PPTC7: variants seen among roughly 807,000 people sequenced by gnomAD.
The protein encoded by PPTC7 is protein phosphatase targeting COQ7, also known as protein phosphatase PTC7 homolog.
A neutral mutation model predicts 30.8 loss-of-function variants in PPTC7; 6 were observed. The ratio of observed to expected loss-of-function variants is 0.19; its 90% CI spans 0.11 to 0.38. The LOEUF is 0.38. Among genes scored for constraint, PPTC7 ranks in the 10% least tolerant of loss-of-function variants. The pLI is 1.00. For missense variants in PPTC7, 218 were observed against 404.8 expected (o/e 0.54, Z 3.96); for synonymous variants, 163 against 168.1 (o/e 0.97, Z 0.23).
chr12:110,568,081 C>T (rs1339802063), intron 1 of PPTC7, among the ~76,000 whole-genome samples: 1 of 148,846 alleles, frequency 6.7e-6, no homozygotes, highest in East Asian at 2.0e-4. Flanking sequence ...CATCAATTCT[C>T]AACACTGACC....
chr12:110,554,284 C>T (rs1012753957), intron 1 of PPTC7, among the ~76,000 whole-genome samples: 1 of 152,186 alleles, frequency 6.6e-6, no homozygotes, highest in African/African-American at 2.4e-5. Context: ...AGTGATCCTC[C>T]TACCTCAGCC....
chr12:110,540,274 G>A (rs1176374204), intron 3 of PPTC7, among the ~76,000 whole-genome samples: 6 of 149,462 alleles, frequency 4.0e-5, no homozygotes, highest in African/African-American at 9.9e-5. Flanking sequence ...TAGTGGAAAT[G>A]AGTCTTTATT....
intron 1 of PPTC7, among the ~76,000 whole-genome samples, chr12:110,553,918 G>A (rs1363492322): frequency 1.3e-5 from 2 of 152,174 alleles, no homozygotes; most frequent in Non-Finnish European, 2.9e-5. Flanking sequence ...CTGGAGTACA[G>A]TGGCGTGATC....
chr12:110,559,464 G>A (rs546549645), intron 1 of PPTC7, among the ~76,000 whole-genome samples: 20 of 149,574 alleles, frequency 1.3e-4, no homozygotes, highest in South Asian at 2.1e-4. Flanking sequence ...GGTGGTTCAC[G>A]CCTGTAATCC....
chr12:110,554,989 A>G (rs2064375009), intron 1 of PPTC7, among the ~76,000 whole-genome samples: 1 of 152,174 alleles, frequency 6.6e-6, no homozygotes, highest in South Asian at 2.1e-4. Flanking sequence ...TTTAATTTTT[A>G]AAACTTTCTG....
chr12:110,551,656 T>C (rs1425679189), intron 2 of PPTC7, 133 bp downstream of exon 2: 5 of 829,802 alleles, frequency 6.0e-6, no homozygotes, highest in Non-Finnish European at 9.6e-6. Context: ...GGTTAGCCTA[T>C]AGTTTCTCTA....
At chr12:110,580,759 A>T (rs1052797226) in intron 1 of PPTC7, among the ~76,000 whole-genome samples, 3 of 146,628 alleles carry the variant, frequency 2.0e-5, no homozygotes, top group Admixed American at 6.8e-5. Context: ...TTTTTATTTT[A>T]TTTTTTTTTT....
At chr12:110,582,211 T>A (rs2064643182) in intron 1 of PPTC7, among the ~76,000 whole-genome samples, 1 of 152,066 alleles carries the variant, frequency 6.6e-6, no homozygotes, top group South Asian at 2.1e-4. Flanking sequence ...GTGGACAAGA[T>A]CAATTTGGGA....
At chr12:110,540,044 G>A in intron 3 of PPTC7, 99 bp from the exon 4 acceptor site, 1 of 1,063,126 alleles carries the variant, frequency 9.4e-7, no homozygotes. Context: ...TAAGCTTTCT[G>A]CAAGAAAAAC....
At chr12:110,552,340 C>T (rs2064354965) in intron 1 of PPTC7, among the ~76,000 whole-genome samples, 2 of 152,168 alleles carry the variant, frequency 1.3e-5, no homozygotes, top group South Asian at 2.1e-4. Flanking sequence ...ATGCTAGTGA[C>T]GATACAATTC....
chr12:110,568,085 A>G (rs528274462), intron 1 of PPTC7, among the ~76,000 whole-genome samples: 73 of 150,924 alleles, frequency 4.8e-4, no homozygotes, highest in Admixed American at 9.3e-4. Flanking sequence ...AATTCTCAAC[A>G]CTGACCCCTA....
chr12:110,537,133 A>T (rs763539510), intron 5 of PPTC7, 38 bp from the exon 6 acceptor site: 1 of 1,495,762 alleles, frequency 6.7e-7, no homozygotes, highest in South Asian at 1.1e-5. Flanking sequence ...ATATTTTAAA[A>T]GGAAAAGTCA....
intron 1 of PPTC7, among the ~76,000 whole-genome samples, chr12:110,579,231 G>T (rs1216983969): frequency 1.3e-5 from 2 of 152,104 alleles, no homozygotes; most frequent in Non-Finnish European, 2.9e-5. Flanking sequence ...GACAGCCAAG[G>T]ATCAAATGAG....
chr12:110,580,913 G>A (rs554649586), intron 1 of PPTC7, among the ~76,000 whole-genome samples: 19 of 152,012 alleles, frequency 1.2e-4, no homozygotes, highest in African/African-American at 4.1e-4. Flanking sequence ...CATCACGCCC[G>A]GCTAATTTTT....
intron 1 of PPTC7, among the ~76,000 whole-genome samples, chr12:110,567,759 T>C (rs539651038): frequency 3.3e-5 from 5 of 152,360 alleles, no homozygotes; most frequent in African/African-American, 1.2e-4. Context: ...TCTAGTCAAA[T>C]ACCTTCCATG....
chr12:110,582,788 G>C, intron 1 of PPTC7, 21 bp downstream of exon 1: 2 of 1,535,486 alleles, frequency 1.3e-6, no homozygotes, highest in Non-Finnish European at 1.8e-6. Flanking sequence ...CTGGGGCAAG[G>C]GAACCGGGTC....
chr12:110,566,769 A>C (rs977126742), intron 1 of PPTC7, among the ~76,000 whole-genome samples: 5 of 152,234 alleles, frequency 3.3e-5, no homozygotes, highest in African/African-American at 1.2e-4. Context: ...ATAAAAGATA[A>C]GTAGTCCATT....
intron 1 of PPTC7, among the ~76,000 whole-genome samples, chr12:110,579,332 C>T (rs1404984311): frequency 6.6e-6 from 1 of 152,196 alleles, no homozygotes; most frequent in African/African-American, 2.4e-5. Flanking sequence ...ACCTGTCCTT[C>T]ACTGCCCCTA....
At chr12:110,553,224 C>T (rs900617071) in intron 1 of PPTC7, among the ~76,000 whole-genome samples, 2 of 151,420 alleles carry the variant, frequency 1.3e-5, no homozygotes, top group Non-Finnish European at 2.9e-5. Context: ...CTCGGCTCAC[C>T]GCAACCTCTC....
Sources: gnomAD v4.1 joint callset for allele counts (sites outside exome capture counted in the v4.1 genomes callset) on GRCh38, gnomAD v4.1.1 for gene constraint, MANE v1.5 for transcripts, NCBI Gene and HGNC (gene_info 2026-07-23, HGNC 2026-07-21) for gene names.